Variants in CDC42BPA observed in about 807,000 individuals in gnomAD.
The protein encoded by CDC42BPA is CDC42 binding protein kinase alpha, also known as serine/threonine-protein kinase MRCK alpha.
CDC42BPA carries 80 observed loss-of-function variants against 223.5 expected under a neutral mutation model. The ratio of observed to expected loss-of-function variants is 0.36; its 90% confidence interval spans 0.30 to 0.43. The LOEUF (loss-of-function observed/expected upper bound fraction) is 0.43. Ranked by LOEUF, CDC42BPA falls within the 20% of genes least tolerant of loss-of-function variation. The pLI, the probability that CDC42BPA is intolerant of heterozygous loss-of-function variation, is 1.00. For synonymous variants in CDC42BPA, 694 were observed against 718.6 expected, an observed-to-expected ratio of 0.97 and a Z score of 0.55; for missense variants, 1,743 against 2,099.9, an observed-to-expected ratio of 0.83 and a Z score of 3.32.
At position 227,044,797 on chromosome 1, in the gene CDC42BPA, TATTCACTAATA is replaced by T. The variant is rs1329268175; in HGVS notation, c.3093+3119_3093+3129del. On this transcript the variant is annotated intron_variant, in intron 23 of 36. Coordinates refer to ENST00000366766, the MANE Select transcript of CDC42BPA (RefSeq NM_001394014.1). ...TAAGTTATTATGACTAGAGAATCAT[TATTCACTAATA>T]AGAAGTACACTATGGTTATCATCTT... Among the ~76,000 whole-genome samples the T allele has an allele frequency of 1.8e-4, 27 of 152,344 alleles. No homozygotes were observed. The South Asian group carries it at 2.5e-3, about 14-fold the overall frequency.
At chr1:227,142,208 G>A (rs1659805748) in intron 9 of CDC42BPA, among the ~76,000 whole-genome samples, 1 of 152,092 alleles carries the variant, frequency 6.6e-6, no homozygotes, top group African/African-American at 2.4e-5. Flanking sequence ...ATGAGAGACA[G>A]TCAAAGGAAC....
At chr1:227,210,867 G>T (rs1170717327) in intron 3 of CDC42BPA, among the ~76,000 whole-genome samples, 1 of 152,172 alleles carries the variant, frequency 6.6e-6, no homozygotes, top group East Asian at 1.9e-4. Context: ...TCCTTCAGGG[G>T]TAGCCCATGT....
chr1:227,316,885 T>C, intron 1 of CDC42BPA, 120 bp downstream of exon 1: 1 of 720,206 alleles, frequency 1.4e-6, no homozygotes, highest in Non-Finnish European at 2.2e-6. Flanking sequence ...ATAACTAGTG[T>C]CTGTTTTTTT....
rs1462375311 is a variant in CDC42BPA at position 227,147,507 on chromosome 1, A to T, written c.746T>A (p.Leu249His). ...GTPDYISPEI[L>H]QAMEDGKGRY... ...CCCTTTTCCATCTTCCATGGCTTGAAGGATTTCAGGAGAGATATAATCTGG... is the reference window on the plus strand; with the variant it reads ...CCCTTTTCCATCTTCCATGGCTTGATGGATTTCAGGAGAGATATAATCTGG... Residue 249 changes from leucine (L) to histidine (H), a missense_variant, in exon 7 of 37, where the codon CTT (leucine) becomes CAT (histidine). Around this residue, in one of 6 missense-constraint regions of CDC42BPA, gnomAD observed 321 missense variants for 488.7 expected, o/e 0.66. Coordinates refer to ENST00000366766, the MANE Select transcript of CDC42BPA (RefSeq NM_001394014.1). The T allele has an allele frequency of 6.2e-7, 1 of 1,613,316 alleles. No individual in the cohort carries two copies. The highest frequency in any genetic ancestry group is 2.2e-5 in the East Asian group (1 of 44,790).
At chr1:227,201,141 A>C (rs1423006695) in intron 3 of CDC42BPA, among the ~76,000 whole-genome samples, 1 of 152,100 alleles carries the variant, frequency 6.6e-6, no homozygotes, top group Non-Finnish European at 1.5e-5. Context: ...AAAATAAAAA[A>C]ATAATTGTTT....
intron 16 of CDC42BPA, among the ~76,000 whole-genome samples, chr1:227,085,075 C>T (rs1681571103): frequency 6.6e-6 from 1 of 152,068 alleles, no homozygotes; most frequent in Non-Finnish European, 1.5e-5. Context: ...AAAATATACT[C>T]TCCTGGGTCT....
intron 23 of CDC42BPA, among the ~76,000 whole-genome samples, chr1:227,042,027 A>C (rs867299032): frequency 4.6e-5 from 7 of 152,162 alleles, no homozygotes; most frequent in Non-Finnish European, 1.0e-4. Flanking sequence ...CTCTTTGAGA[A>C]ACTATTATGA....
intron 6 of CDC42BPA, among the ~76,000 whole-genome samples, chr1:227,149,737 T>C (rs930494933): frequency 1.3e-5 from 2 of 152,084 alleles, no homozygotes; most frequent in Non-Finnish European, 2.9e-5. Flanking sequence ...TAGCATCTAA[T>C]ATGAAGACTT....
At chr1:227,034,904 A>AT (rs1244974600) in intron 25 of CDC42BPA, 110 bp from the exon 26 acceptor site, 1 of 956,702 alleles carries the variant, frequency 1.0e-6, no homozygotes, top group Non-Finnish European at 1.5e-6. Flanking sequence ...TACACGTTTT[A>AT]TAAGTCTGCC....
intron 2 of CDC42BPA, among the ~76,000 whole-genome samples, chr1:227,230,464 G>A (rs1176360048): frequency 1.3e-5 from 2 of 152,088 alleles, no homozygotes; most frequent in Non-Finnish European, 2.9e-5. Context: ...CTTTGAATAG[G>A]GTGTATCTGG....
chr1:227,297,981 CATATATACATAT>C (rs559246071), intron 1 of CDC42BPA, among the ~76,000 whole-genome samples: 2,646 of 139,384 alleles, frequency 0.019, 40 homozygotes, highest in Non-Finnish European at 0.027. Flanking sequence ...CACACACACA[CATATATACATAT>C]ATATACATAT....
intron 5 of CDC42BPA, among the ~76,000 whole-genome samples, chr1:227,167,253 A>G (rs1341795019): frequency 6.6e-6 from 1 of 152,208 alleles, no homozygotes; most frequent in East Asian, 1.9e-4. Context: ...TTACATTACC[A>G]CTGAAATGTA....
At chr1:227,019,942 G>T (rs1277668613) in intron 32 of CDC42BPA, among the ~76,000 whole-genome samples, 1 of 151,894 alleles carries the variant, frequency 6.6e-6, no homozygotes, top group African/African-American at 2.4e-5. Context: ...TGTTGCCCAG[G>T]CTGGAGTGCA....
At chr1:227,292,736 C>T (rs1689902889) in intron 1 of CDC42BPA, among the ~76,000 whole-genome samples, 1 of 152,148 alleles carries the variant, frequency 6.6e-6, no homozygotes. Flanking sequence ...ATATGTCTTA[C>T]TCACCTACCT....
At chr1:227,279,701 G>A (rs1687701251) in intron 1 of CDC42BPA, among the ~76,000 whole-genome samples, 1 of 152,062 alleles carries the variant, frequency 6.6e-6, no homozygotes, top group Admixed American at 6.6e-5. Context: ...AAGCCTCTTT[G>A]TGGAGATACA....
At chr1:227,133,735 TG>T (rs1657864886) in intron 10 of CDC42BPA, among the ~76,000 whole-genome samples, 1 of 152,020 alleles carries the variant, frequency 6.6e-6, no homozygotes, top group Non-Finnish European at 1.5e-5. Flanking sequence ...CGGTGCAAGA[TG>T]TGCTTTGTTA....
chr1:227,219,426 A>G (rs1675443295), intron 2 of CDC42BPA: 1 of 152,210 alleles, frequency 6.6e-6, no homozygotes, highest in African/African-American at 2.4e-5. Flanking sequence ...TTTTCCTGAA[A>G]GCAAAAAGGA....
At chr1:227,212,674 C>G (rs1265650546) in intron 3 of CDC42BPA, among the ~76,000 whole-genome samples, 3 of 152,136 alleles carry the variant, frequency 2.0e-5, no homozygotes, top group Non-Finnish European at 1.5e-5. Context: ...CTAGATTTTA[C>G]TACAACTCCT....
chr1:227,096,317 A>G (rs1683989914), intron 15 of CDC42BPA, among the ~76,000 whole-genome samples: 1 of 152,228 alleles, frequency 6.6e-6, no homozygotes, highest in African/African-American at 2.4e-5. Flanking sequence ...TTCATGTAAA[A>G]CCATTCTTTT....
Sources: allele counts gnomAD v4.1 joint callset (sites outside exome capture counted in the v4.1 genomes callset), GRCh38; gene constraint gnomAD v4.1.1; regional missense constraint gnomAD v4.1.1; transcripts MANE v1.5; gene names NCBI Gene and HGNC (gene_info 2026-07-23, HGNC 2026-07-21).